The following ZCCHC14 variants were observed in gnomAD, a reference collection of about 807,000 sequenced individuals.
The protein encoded by ZCCHC14 is zinc finger CCHC-type containing 14.
In ZCCHC14, 16 loss-of-function variants were observed where a neutral mutation model predicts 85.0. The observed-to-expected ratio is 0.19, with a 90% CI of 0.13 to 0.29. The LOEUF (loss-of-function observed/expected upper bound fraction) is 0.29, where lower values mean the gene tolerates loss of function less well. Among genes scored for constraint, ZCCHC14 ranks in the 10% least tolerant of loss-of-function variants. ZCCHC14 has a pLI of 1.00. For missense variants in ZCCHC14, 1,303 were observed against 1,443.5 expected (o/e 0.90, Z 1.58); for synonymous variants, 775 against 630.7 (o/e 1.23, Z -3.43).
intron 1 of ZCCHC14, among the ~76,000 whole-genome samples, chr16:87,478,352 A>C (rs768790241): frequency 6.6e-6 from 1 of 152,210 alleles, no homozygotes; most frequent in Non-Finnish European, 1.5e-5. Flanking sequence ...GAATAGGCGA[A>C]ACTGATCAGT....
At chr16:87,479,890 G>C (rs1408971304) in intron 1 of ZCCHC14, among the ~76,000 whole-genome samples, 4 of 152,128 alleles carry the variant, frequency 2.6e-5, no homozygotes, top group African/African-American at 9.6e-5. Context: ...TCTCGTGTTA[G>C]AGAGTTCTTC....
In ZCCHC14 at chr16:87,412,785, T is replaced by C; in HGVS notation, c.1936A>G (p.Met646Val). 6.2e-7 allele frequency: 1 copy of C among 1,613,718 alleles called. No homozygotes were observed. The highest frequency in any genetic ancestry group is 8.5e-7 in the Non-Finnish European group (1 of 1,179,764). The change falls in exon 12 of 13, where the codon ATG (methionine) becomes GTG (valine). Residue 646 changes from methionine (M) to valine (V), a missense_variant. Physicochemically the swap from Met to Val is conservative, Grantham distance 21. This residue lies in a region of ZCCHC14 where 797 missense variants were observed against 730.8 expected (regional missense o/e 1.09). Coordinates refer to ENST00000671377, the MANE Select transcript of ZCCHC14 (RefSeq NM_015144.3). ...SAASHITPIR[M>V]LNSVHKPERG... ...TCCGGCTTGTGCACGGAATTCAGCA[T>C]GCGGATGGGTGTGATGTGTGAGGCT...
intron 4 of ZCCHC14, among the ~76,000 whole-genome samples, chr16:87,422,546 G>A (rs1226123548): frequency 3.3e-5 from 5 of 150,788 alleles, no homozygotes; most frequent in African/African-American, 9.9e-5. Context: ...CCAACATGGT[G>A]AAACTGTCTC....
Position 87,415,398 on chromosome 16 carries a change from C to T in ZCCHC14, c.1384-31G>A, listed in dbSNP as rs778711224. ...ACAGAAAAAACAAATTACAAAGTTA[C>T]GGAGACATAAGTAGGACTCTGAGAA... is the stretch of plus-strand genomic sequence containing the variant. On this transcript the variant is annotated intron_variant, in intron 8 of 12. Transcript: ENST00000671377. The T allele has an allele frequency of 1.3e-5, 21 of 1,589,910 alleles. No individual in the cohort carries two copies. In the East Asian group the frequency reaches 4.0e-4, roughly 30 times the overall value.
chr16:87,447,607 C>T (rs756620183), intron 2 of ZCCHC14, among the ~76,000 whole-genome samples: 1 of 152,206 alleles, frequency 6.6e-6, no homozygotes, highest in African/African-American at 2.4e-5. Flanking sequence ...CATTCTCCTA[C>T]TCATGGACAT....
At chr16:87,449,366 A>T (rs1484767917) in intron 2 of ZCCHC14, among the ~76,000 whole-genome samples, 1 of 152,190 alleles carries the variant, frequency 6.6e-6, no homozygotes, top group Non-Finnish European at 1.5e-5. Context: ...TGCAGGGAAG[A>T]GAGGGTGAGG....
At position 87,410,058 on chromosome 16, in the gene ZCCHC14, G is replaced by A. The variant is rs1908364604; in HGVS notation, c.*222C>T. The A allele has an allele frequency of 9.4e-6, 4 of 424,430 alleles. No individual in the cohort carries two copies. Among genetic ancestry groups the A allele is most frequent in the Non-Finnish European group, 8.3e-6 (2 of 239,996 alleles). 26.3% of individuals were successfully genotyped at this position (424,430 alleles called of 1,614,324 possible). ...GGTGGCCGATCTCACCAGCCACAGA[G>A]ATGCCCACTAGGCGAGTTCTGACAC... is the stretch of plus-strand genomic sequence containing the variant. On this transcript the variant is annotated 3_prime_UTR_variant, in exon 13 of 13. Transcript: ENST00000671377.
chr16:87,445,257 G>C (rs543691083), intron 2 of ZCCHC14, among the ~76,000 whole-genome samples: 1 of 151,910 alleles, frequency 6.6e-6, no homozygotes, highest in African/African-American at 2.4e-5. Context: ...AGTAGAAACG[G>C]GGTTTCACCA....
intron 10 of ZCCHC14, 146 bp from the exon 11 acceptor site, chr16:87,413,341 G>C (rs1908586575): frequency 1.7e-6 from 2 of 1,207,494 alleles, no homozygotes; most frequent in East Asian, 5.2e-5. Flanking sequence ...CGCCGGCCCA[G>C]GCCGCACGGT....
chr16:87,417,043 T>C (rs909537709), intron 8 of ZCCHC14, among the ~76,000 whole-genome samples: 1 of 152,200 alleles, frequency 6.6e-6, no homozygotes, highest in Non-Finnish European at 1.5e-5. Context: ...ATAAGAATTC[T>C]CTAGGTACGA....
chr16:87,428,242 T>C (rs1909474494), intron 3 of ZCCHC14, among the ~76,000 whole-genome samples: 1 of 152,106 alleles, frequency 6.6e-6, no homozygotes, highest in East Asian at 1.9e-4. Context: ...CAACGATACA[T>C]AAAAATTAAA....
intron 10 of ZCCHC14, among the ~76,000 whole-genome samples, chr16:87,413,686 G>A (rs1262888499): frequency 2.0e-5 from 3 of 152,116 alleles, no homozygotes; most frequent in Non-Finnish European, 4.4e-5. Flanking sequence ...CTTTCTGAGA[G>A]GGGAGGATGA....
At chr16:87,446,167 C>CA (rs567505964) in intron 2 of ZCCHC14, among the ~76,000 whole-genome samples, 2,298 of 53,954 alleles carry the variant, frequency 0.043, 99 homozygotes, top group East Asian at 0.21. Flanking sequence ...AACTCCGTCT[C>CA]AAAAAAAAAA....
intron 1 of ZCCHC14, among the ~76,000 whole-genome samples, chr16:87,475,109 T>C (rs1400626937): frequency 2.6e-5 from 4 of 152,164 alleles, no homozygotes; most frequent in Non-Finnish European, 2.9e-5. Context: ...GAGTTAGCTC[T>C]GGAGACCAGG....
intron 2 of ZCCHC14, among the ~76,000 whole-genome samples, chr16:87,450,096 C>G (rs1407996209): frequency 1.3e-5 from 2 of 152,198 alleles, no homozygotes; most frequent in African/African-American, 4.8e-5. Flanking sequence ...GACGCCCCTT[C>G]TTCTAGGTCA....
intron 1 of ZCCHC14, among the ~76,000 whole-genome samples, chr16:87,482,565 G>GA (rs963532665): frequency 1.3e-5 from 2 of 152,118 alleles, no homozygotes; most frequent in Admixed American, 1.3e-4. Flanking sequence ...CTCTGTGTAG[G>GA]AAACCCACAA....
At chr16:87,452,371 C>T (rs1390749718) in intron 2 of ZCCHC14, among the ~76,000 whole-genome samples, 2 of 152,170 alleles carry the variant, frequency 1.3e-5, no homozygotes, top group African/African-American at 2.4e-5. Flanking sequence ...GAAATATTCA[C>T]GTTATCAGTG....
intron 3 of ZCCHC14, among the ~76,000 whole-genome samples, chr16:87,429,026 A>G (rs887512732): frequency 4.6e-5 from 7 of 152,332 alleles, no homozygotes; most frequent in African/African-American, 1.4e-4. Context: ...CTCATGCATG[A>G]ATCTTTTATG....
intron 2 of ZCCHC14, among the ~76,000 whole-genome samples, chr16:87,443,129 G>C (rs973139969): frequency 2.0e-5 from 3 of 152,198 alleles, no homozygotes; most frequent in Non-Finnish European, 4.4e-5. Context: ...TTTGATGGTT[G>C]AAAACAAAAA....
Sources: gnomAD v4.1 joint callset for allele counts (sites outside exome capture counted in the v4.1 genomes callset) on GRCh38, gnomAD v4.1.1 for gene constraint, gnomAD v4.1.1 regional missense constraint, MANE v1.5 for transcripts, NCBI Gene and HGNC (gene_info 2026-07-23, HGNC 2026-07-21) for gene names.